The following SLC26A6 variants were observed in gnomAD, a reference collection of about 807,000 sequenced individuals.
SLC26A6 encodes anion exchange transporter.
Under a neutral mutation model 87.1 loss-of-function variants are expected in SLC26A6, and 67 were observed. The observed-to-expected ratio is 0.77, with a 90% CI of 0.63 to 0.94. The LOEUF (loss-of-function observed/expected upper bound fraction) is 0.94, where lower values mean the gene tolerates loss of function less well. SLC26A6 is among the 40% of genes least tolerant of loss of function. The probability of loss-of-function intolerance (pLI) is 0.00; values close to 1 mark genes in which losing one functional copy is unlikely to be tolerated. For missense variants in SLC26A6, 902 were observed against 973.0 expected, an observed-to-expected ratio of 0.93 and a Z score of 0.97; for synonymous variants, 414 against 405.9, an observed-to-expected ratio of 1.02 and a Z score of -0.24.
chr3:48,626,044 A>ACACAGACC, intron 20 of SLC26A6, 44 bp from the exon 21 acceptor site: 1 of 1,613,454 alleles, frequency 6.2e-7, no homozygotes, highest in South Asian at 1.1e-5. Context: ...TTTCCAAAGG[A>ACACAGACC]CACAGACCAA....
In SLC26A6 at chr3:48,633,683, AC is replaced by A. The variant is rs372362983; in HGVS notation, c.24-49del. On this transcript the variant is annotated intron_variant, in intron 1 of 20. Coordinates refer to ENST00000395550, the MANE Select transcript of SLC26A6 (RefSeq NM_022911.3). The stretch of plus-strand genomic sequence containing the variant: ...ACACAGTGAAGGCATCCCTGGCCCA[AC>A]CTCCCCTACACCTCCACCTAGGACC... The A allele has an allele frequency of 5.8e-5, 93 of 1,592,980 alleles. No homozygotes were observed. The African/African-American group carries it at 1.2e-3, about 20-fold the overall frequency.
At position 48,625,921 on chromosome 3, in the gene SLC26A6, G is replaced by A. The variant is rs2046607430; in HGVS notation, c.*65C>T. Reference sequence around the variant, plus strand: ...GGTAGCACCTGGAGGCGGCCTAGGGGTGAGGGGCTTCTCAAGGGTGCCCTG... The same window carrying A: ...GGTAGCACCTGGAGGCGGCCTAGGGATGAGGGGCTTCTCAAGGGTGCCCTG... On this transcript the variant is annotated 3_prime_UTR_variant, in exon 21 of 21. Transcript: ENST00000395550. The surrounding 1 kb of genome is among the most constrained non-coding windows in gnomAD (Gnocchi z 4.7). 6.2e-7 allele frequency: 1 copy of A among 1,609,788 alleles called. No individual in the cohort carries two copies.
chr3:48,634,860 C>G, intron 1 of SLC26A6: 1 of 618,726 alleles, frequency 1.6e-6, no homozygotes, highest in Non-Finnish European at 2.0e-6. Context: ...CTACGTGAGT[C>G]ACTCAGGTCT....
Position 48,626,901 on chromosome 3 carries a change from G to A in SLC26A6, c.2048C>T (p.Thr683Ile). The change falls in exon 18 of 21, where the codon ACT (threonine) becomes ATT (isoleucine). Residue 683 changes from threonine (T) to isoleucine (I), a missense_variant. Thr to Ile is a moderately conservative substitution (Grantham distance 89, BLOSUM62 -1). Transcript: ENST00000395550. ...LDLGALSFVD[T>I]VCLKSLKNIF... Reference sequence around the variant, plus strand: ...ATTCTTCAGGCTCTTGAGGCACACAGTGTCCACAAAGGAGAGGGCACCCAG... The same window carrying A: ...ATTCTTCAGGCTCTTGAGGCACACAATGTCCACAAAGGAGAGGGCACCCAG... The A allele has an allele frequency of 6.2e-7, 1 of 1,614,064 alleles. No individual in the cohort carries two copies. Among genetic ancestry groups the A allele is most frequent in the Admixed American group, 1.7e-5 (1 of 60,012 alleles).
chr3:48,632,672 T>C, intron 4 of SLC26A6: 1 of 687,262 alleles, frequency 1.5e-6, no homozygotes, highest in Non-Finnish European at 2.6e-6. Context: ...AGGCTCTCTG[T>C]GGAGTAGGGA....
At chr3:48,627,279 C>G in intron 17 of SLC26A6, 1 of 563,732 alleles carries the variant, frequency 1.8e-6, no homozygotes, top group South Asian at 2.2e-5. Flanking sequence ...TCTGCTACCT[C>G]CTGGGCCGAC....
At chr3:48,632,426 G>A in intron 4 of SLC26A6, 30 bp from the exon 5 acceptor site, 3 of 1,592,624 alleles carry the variant, frequency 1.9e-6, no homozygotes, top group Non-Finnish European at 2.6e-6. Context: ...CAGGTCTGAA[G>A]AGGAGAGGAC....
Position 48,633,391 on chromosome 3 carries a change from C to G in SLC26A6, c.183-1G>C, listed in dbSNP as rs1268645897. 1.2e-6 allele frequency: 2 copies of G among 1,613,346 alleles called. No individual in the cohort carries two copies. Among genetic ancestry groups the G allele is most frequent in the Non-Finnish European group, 1.7e-6 (2 of 1,179,986 alleles). ...GGCATAGGCCCGAGCACGGGAGCAC[C>G]TAGGGACATGATATGAGGGGTAGGT... On this transcript the variant is annotated splice_acceptor_variant, in intron 2 of 20. Coordinates refer to ENST00000395550, the MANE Select transcript of SLC26A6 (RefSeq NM_022911.3). LOFTEE classifies it high-confidence loss of function.
At chr3:48,630,324 G>T in intron 11 of SLC26A6, 114 bp downstream of exon 11, 1 of 1,344,964 alleles carries the variant, frequency 7.4e-7, no homozygotes, top group Non-Finnish European at 1.0e-6. Context: ...GAAGATCTCA[G>T]CCTTGAAAAA....
chr3:48,629,956 G>C lies in SLC26A6; in HGVS notation c.1445C>G (p.Thr482Arg). Residue 482 changes from threonine to arginine, a missense_variant, in exon 13 of 21, where the codon ACG (threonine) becomes AGG (arginine). Coordinates refer to ENST00000395550, the MANE Select transcript of SLC26A6 (RefSeq NM_022911.3). Reference sequence around the variant, plus strand: ...GTCCAGGTTCAGCAAGATGGTGGCCGTGAAGGTCACCAGCCAGATAAGCTG... The same window carrying C: ...GTCCAGGTTCAGCAAGATGGTGGCCCTGAAGGTCACCAGCCAGATAAGCTG... ...ADLLIWLVTFTATILLNLDLG... is the reference protein window; with the variant it reads ...ADLLIWLVTFRATILLNLDLG... The C allele has an allele frequency of 6.2e-7, 1 of 1,614,120 alleles. No individual in the cohort carries two copies. Among genetic ancestry groups the C allele is most frequent in the Non-Finnish European group, 8.5e-7 (1 of 1,180,018 alleles).
chr3:48,633,205 T>A, intron 3 of SLC26A6, 46 bp downstream of exon 3: 3 of 1,599,570 alleles, frequency 1.9e-6, no homozygotes, highest in Non-Finnish European at 2.6e-6. Context: ...GTTTTGGGCA[T>A]CACAGACCAC....
intron 4 of SLC26A6, 175 bp downstream of exon 4, chr3:48,632,799 G>A (rs984742807): frequency 3.0e-5 from 21 of 709,738 alleles, no homozygotes; most frequent in Non-Finnish European, 4.7e-5. Context: ...TGCCTCTGTG[G>A]TCCTACAGTC....
rs750331305 is a variant in SLC26A6 at position 48,631,293 on chromosome 3, G to C, written c.917C>G (p.Thr306Arg). The change falls in exon 8 of 21, where the codon ACA becomes AGA. Residue 306 changes from threonine (T) to arginine (R), a missense_variant. Around this residue, in one of 3 missense-constraint regions of SLC26A6, gnomAD observed 800 missense variants for 856.8 expected, o/e 0.93. Coordinates refer to ENST00000395550, the MANE Select transcript of SLC26A6 (RefSeq NM_022911.3). ...TAGACCCATGCCATAGGAGATGCCT[G>C]TGGCCCCGATGAGCTGTGGGAGAGG... ...PGELLTLIGA[T>R]GISYGMGLKH... 2.5e-6 allele frequency: 4 copies of C among 1,598,338 alleles called. No individual in the cohort carries two copies. The highest frequency in any genetic ancestry group is 1.7e-5 in the Admixed American group (1 of 58,622).
Position 48,630,735 on chromosome 3 carries a change from T to C in SLC26A6, c.1135-15A>G, listed in dbSNP as rs538269766. The C allele has an allele frequency of 1.6e-5, 26 of 1,586,078 alleles. 2 individuals carry two copies. The Middle Eastern group carries it at 8.3e-4, about 50-fold the overall frequency. On this transcript the variant is annotated splice_polypyrimidine_tract_variant and intron_variant, in intron 9 of 20. Coordinates refer to ENST00000395550, the MANE Select transcript of SLC26A6 (RefSeq NM_022911.3). Reference sequence around the variant, plus strand: ...GCCACCAGCTCCTGACGGGGGACAGTACGGGTGTGAGAAGACTTCCTAGAA... The same window carrying C: ...GCCACCAGCTCCTGACGGGGGACAGCACGGGTGTGAGAAGACTTCCTAGAA...
rs746172169 is a variant in SLC26A6 at position 48,631,645 on chromosome 3, G to A, written c.903+4C>T. The A allele has an allele frequency of 1.2e-6, 2 of 1,612,352 alleles. No homozygotes were observed. Among genetic ancestry groups the A allele is most frequent in the Non-Finnish European group, 8.5e-7 (1 of 1,179,456 alleles). On this transcript the variant is annotated splice_donor_region_variant and intron_variant, in intron 7 of 20. Coordinates refer to ENST00000395550, the MANE Select transcript of SLC26A6 (RefSeq NM_022911.3). ...CCCTGCCCTCCACTCCCTGGCCCTC[G>A]AACCGTGAGCAGCTCCCCGGGTATC...
intron 1 of SLC26A6, chr3:48,634,142 T>TG (rs2046889166): frequency 6.1e-6 from 1 of 164,438 alleles, no homozygotes; most frequent in Non-Finnish European, 1.3e-5. Flanking sequence ...AGGAAAGTGT[T>TG]GGAGCCAAGC....
At chr3:48,630,181 G>A (rs763137455) in intron 11 of SLC26A6, 24 bp from the exon 12 acceptor site, 10 of 1,599,872 alleles carry the variant, frequency 6.3e-6, no homozygotes, top group Non-Finnish European at 8.6e-6. Context: ...AGTGCCACCA[G>A]GGGCCATTGA....
chr3:48,635,387 G>T lies in SLC26A6; in HGVS notation c.7C>A (p.Leu3Met). The change falls in exon 1 of 21, where the codon CTG becomes ATG. Residue 3 changes from leucine to methionine, a missense_variant. Physicochemically the swap from Leu to Met is conservative, Grantham distance 15. Coordinates refer to ENST00000395550, the MANE Select transcript of SLC26A6 (RefSeq NM_022911.3). MG[L>M]ADASGPRDTQ... ...TGAACTCACCCCGACGCATCCGCCA[G>T]CCCCATGGCTCGCAAGTTGTCCGGT... 2 of 1,586,744 alleles carry T rather than the reference G, an allele frequency of 1.3e-6. No individual in the cohort carries two copies. Among genetic ancestry groups the T allele is most frequent in the East Asian group, 2.3e-5 (1 of 43,380 alleles).
chr3:48,627,243 G>A, intron 17 of SLC26A6, 188 bp from the exon 18 acceptor site: 1 of 676,624 alleles, frequency 1.5e-6, no homozygotes, highest in Non-Finnish European at 2.5e-6. Flanking sequence ...CATGCAGGAG[G>A]GCACACCCAG....
Sources: gnomAD v4.1 joint callset for allele counts on GRCh38, gnomAD v4.1.1 for gene constraint, gnomAD v4.1.1 regional missense constraint, Gnocchi (gnomAD v3.1) non-coding constraint, MANE v1.5 for transcripts, NCBI Gene and HGNC (gene_info 2026-07-23, HGNC 2026-07-21) for gene names.